GTF3C2: variants seen among roughly 807,000 people sequenced by gnomAD.
The protein encoded by GTF3C2 is general transcription factor 3C polypeptide 2.
Under a neutral mutation model 117.4 loss-of-function variants are expected in GTF3C2, and 17 were observed. The observed-to-expected ratio is 0.14, with a 90% CI of 0.10 to 0.22. The LOEUF is 0.22. Among genes scored for constraint, GTF3C2 ranks in the 10% least tolerant of loss-of-function variants. The pLI is 1.00. For synonymous variants in GTF3C2, 437 were observed against 427.0 expected (o/e 1.02, Z -0.29); for missense variants, 888 against 1,143.6 (o/e 0.78, Z 3.22).
exon 18 of GTF3C2, chr2:27,327,236 C>T: frequency 1.2e-6 from 2 of 1,611,354 alleles, no homozygotes; most frequent in South Asian, 2.2e-5. Context: ...CCCTCTCCCT[C>T]CTGCATGCGC....
At chr2:27,336,709 A>T in intron 7 of GTF3C2, 2 of 368,948 alleles carry the variant, frequency 5.4e-6, no homozygotes, top group Non-Finnish European at 9.9e-6. Flanking sequence ...CCCAGGCTCA[A>T]GTGGTTATCC....
intron 1 of GTF3C2, among the ~76,000 whole-genome samples, chr2:27,353,222 G>C (rs1681197413): frequency 6.6e-6 from 1 of 151,814 alleles, no homozygotes; most frequent in Non-Finnish European, 1.5e-5. Flanking sequence ...GTGAAACCTC[G>C]TTTCTACTAA....
chr2:27,350,110 A>T (rs1178139300), intron 1 of GTF3C2, among the ~76,000 whole-genome samples: 2 of 152,206 alleles, frequency 1.3e-5, no homozygotes, highest in Non-Finnish European at 2.9e-5. Flanking sequence ...CAATGAAGAT[A>T]TAAATAAAAT....
At chr2:27,356,220 G>A (rs1681371752) in intron 1 of GTF3C2, 2 of 630,446 alleles carry the variant, frequency 3.2e-6, no homozygotes, top group African/African-American at 3.8e-5. Flanking sequence ...CCTTGGTTAC[G>A]CCAATGGCGT....
rs1680820730 is a variant in GTF3C2, at chr2:27,343,588, G to A, written c.-24-10C>T. On this transcript the variant is annotated splice_polypyrimidine_tract_variant and intron_variant, in intron 1 of 18. Coordinates refer to ENST00000264720, the Ensembl canonical transcript of GTF3C2. ...CCCAAAATGGCTGCCCCTGCATACA[G>A]AGACACACAAATGAGTAGAGGACAA... 2 of 1,609,126 alleles carry A rather than the reference G, an allele frequency of 1.2e-6. No homozygotes were observed. Among genetic ancestry groups the A allele is most frequent in the Non-Finnish European group, 1.7e-6 (2 of 1,176,418 alleles).
intron 1 of GTF3C2, among the ~76,000 whole-genome samples, chr2:27,352,777 T>C (rs1254200591): frequency 6.6e-6 from 1 of 152,230 alleles, no homozygotes; most frequent in Non-Finnish European, 1.5e-5. Flanking sequence ...TCAGTGAAAT[T>C]AAAATCATCA....
chr2:27,349,306 C>T (rs1205516848), intron 1 of GTF3C2, among the ~76,000 whole-genome samples: 2 of 151,658 alleles, frequency 1.3e-5, no homozygotes, highest in Non-Finnish European at 2.9e-5. Context: ...CGCCATCATG[C>T]CCGGCTAATT....
At position 27,341,943 on chromosome 2, in the gene GTF3C2, G is replaced by A. The variant is rs1260475619; in HGVS notation, c.855+5C>T. On this transcript the variant is annotated splice_donor_5th_base_variant and intron_variant, in intron 4 of 18. Transcript: ENST00000264720. ...CCCATTCACTTTCTTGTCCATTGAG[G>A]TTACCCCTGAAGTAGATCCTCGTGG... The A allele has an allele frequency of 3.1e-6, 5 of 1,611,924 alleles. No individual in the cohort carries two copies. In the East Asian group the frequency reaches 8.9e-5, roughly 29 times the overall value.
intron 18 of GTF3C2, 45 bp downstream of exon 18, chr2:27,327,132 A>G (rs763165744): frequency 9.4e-7 from 1 of 1,061,426 alleles, no homozygotes. Flanking sequence ...CAGGCCCAGA[A>G]CTGGGGGGAA....
Position 27,334,685 on chromosome 2 carries a change from CAGG to C in GTF3C2, c.1577-689_1577-687del, listed in dbSNP as rs1680397116. 5.9e-5 allele frequency among the ~76,000 whole-genome samples: 9 copies of C among 152,104 alleles called. No individual in the cohort carries two copies. The South Asian group carries it at 1.9e-3, about 32-fold the overall frequency. On this transcript the variant is annotated intron_variant, in intron 10 of 18. Transcript: ENST00000264720. ...TCAGACAGCATCTCACTAAGCCGCC[CAGG>C]CTACAGTGCAGTGGCACAATCTCAG...
intron 11 of GTF3C2, 75 bp downstream of exon 11, chr2:27,333,899 G>T: frequency 6.9e-7 from 1 of 1,449,554 alleles, no homozygotes; most frequent in Non-Finnish European, 9.7e-7. Context: ...AGTATAAGGA[G>T]ACTCACTGTG....
At chr2:27,348,159 T>C (rs902463630) in intron 1 of GTF3C2, among the ~76,000 whole-genome samples, 1 of 151,732 alleles carries the variant, frequency 6.6e-6, no homozygotes, top group Non-Finnish European at 1.5e-5. Flanking sequence ...CCCAGCTACT[T>C]GGGAGGCTGA....
chr2:27,354,922 A>ATCTCT, intron 1 of GTF3C2, among the ~76,000 whole-genome samples: 1 of 152,300 alleles, frequency 6.6e-6, no homozygotes, highest in Non-Finnish European at 1.5e-5. Flanking sequence ...TCTAGTACAA[A>ATCTCT]TCTCTTCATT....
chr2:27,343,506 C>A, exon 2 of GTF3C2: 1 of 1,613,978 alleles, frequency 6.2e-7, no homozygotes, highest in Non-Finnish European at 8.5e-7. Context: ...ATGTTCCCCA[C>A]GGGGCCGGCC....
intron 5 of GTF3C2, 182 bp downstream of exon 5, chr2:27,337,744 T>C (rs1358808627): frequency 1.4e-6 from 1 of 690,100 alleles, no homozygotes; most frequent in East Asian, 2.5e-5. Context: ...CCTTTCATTT[T>C]ATTTCACTTT....
At chr2:27,333,891 T>G in intron 11 of GTF3C2, 83 bp downstream of exon 11, 3 of 1,460,950 alleles carry the variant, frequency 2.1e-6, no homozygotes, top group Non-Finnish European at 2.9e-6. Context: ...TTTTCAGAAG[T>G]ATAAGGAGAC....
chr2:27,334,089 G>A, intron 10 of GTF3C2, 90 bp from the exon 11 acceptor site: 1 of 917,420 alleles, frequency 1.1e-6, no homozygotes, highest in Non-Finnish European at 1.8e-6. Context: ...GCAGTGGCAT[G>A]ATCATGGCTC....
intron 16 of GTF3C2, 43 bp from the exon 17 acceptor site, chr2:27,328,232 C>A (rs984988119): frequency 1.4e-6 from 2 of 1,472,496 alleles, no homozygotes; most frequent in Admixed American, 4.4e-5. Flanking sequence ...ATACTCAAGA[C>A]AGAATAAAAG....
rs575336288 is a variant in GTF3C2 at position 27,342,150 on chromosome 2, A to C, written c.653T>G (p.Val218Gly). 3 of 1,613,986 alleles carry C rather than the reference A, an allele frequency of 1.9e-6. No homozygotes were observed. In the Admixed American group the frequency reaches 5.0e-5, roughly 27 times the overall value. The change falls in exon 4 of 19, where the codon GTG (valine) becomes GGG (glycine). Residue 218 changes from valine (V) to glycine (G), a missense_variant. Around this residue, in one of 7 missense-constraint regions of GTF3C2, gnomAD observed 393 missense variants for 401.5 expected, o/e 0.98. Coordinates refer to ENST00000264720, the Ensembl canonical transcript of GTF3C2. Reference sequence around the variant, plus strand: ...CTTCTTCGGTTTGGTGGGGCTGCTCACCTTGGGGCCCTCAGGACAGGACAC... The same window carrying C: ...CTTCTTCGGTTTGGTGGGGCTGCTCCCCTTGGGGCCCTCAGGACAGGACAC...
Sources: allele counts gnomAD v4.1 joint callset (sites outside exome capture counted in the v4.1 genomes callset), GRCh38; gene constraint gnomAD v4.1.1; regional missense constraint gnomAD v4.1.1; transcripts MANE v1.5; gene names NCBI Gene and HGNC (gene_info 2026-07-23, HGNC 2026-07-21).